Variants in ANO1 observed in about 807,000 individuals in gnomAD.
ANO1 encodes the protein anoctamin 1.
A neutral mutation model predicts 124.0 loss-of-function variants in ANO1; 59 were observed. The observed-to-expected ratio is 0.48, with a 90% CI of 0.39 to 0.59. The LOEUF (loss-of-function observed/expected upper bound fraction) is 0.59. ANO1 is among the 20% of genes least tolerant of loss of function. The probability of loss-of-function intolerance (pLI) is 0.00; values close to 1 mark genes in which losing one functional copy is unlikely to be tolerated. For missense variants in ANO1, 1,059 were observed against 1,328.0 expected, an observed-to-expected ratio of 0.80 and a Z score of 3.15; for synonymous variants, 529 against 532.0, an observed-to-expected ratio of 0.99 and a Z score of 0.08.
At chr11:70,073,686 G>C (rs766775252), upstream of ANO1, among the ~76,000 whole-genome samples, 11 of 152,144 alleles carry the variant, frequency 7.2e-5, no homozygotes, top group Non-Finnish European at 1.2e-4. Context: ...AGGTGGCCTA[G>C]CCAGGCTCTC....
intron 11 of ANO1, among the ~76,000 whole-genome samples, chr11:70,135,475 G>A (rs943112755): frequency 1.9e-4 from 29 of 152,280 alleles, no homozygotes; most frequent in South Asian, 2.1e-4. Context: ...CAGCCACCAC[G>A]TCCTTCCACC....
At chr11:70,142,281 T>C (rs1200254461) in intron 11 of ANO1, among the ~76,000 whole-genome samples, 1 of 152,164 alleles carries the variant, frequency 6.6e-6, no homozygotes, top group African/African-American at 2.4e-5. Flanking sequence ...ATGCCAGAGA[T>C]GGAACTGGAA....
At chr11:69,990,153 G>A (rs371873178) in intron 1 of ANO1, among the ~76,000 whole-genome samples, 4 of 151,518 alleles carry the variant, frequency 2.6e-5, no homozygotes, top group Non-Finnish European at 5.9e-5. Context: ...TCCCCACCCC[G>A]CCCTGCCTCT....
chr11:70,108,328 A>AC, intron 5 of ANO1, 25 bp from the exon 6 acceptor site: 2 of 1,600,190 alleles, frequency 1.2e-6, no homozygotes, highest in Non-Finnish European at 1.7e-6. Flanking sequence ...GTAACTGCTC[A>AC]CCCCCCTTCT....
At chr11:70,147,022 A>C (rs1280925993) in intron 11 of ANO1, among the ~76,000 whole-genome samples, 3 of 152,204 alleles carry the variant, frequency 2.0e-5, no homozygotes, top group Non-Finnish European at 4.4e-5. Context: ...CCCAGAAACA[A>C]CACTTTGCAT....
At chr11:70,027,624 G>A (rs1305932530) in intron 1 of ANO1, among the ~76,000 whole-genome samples, 2 of 152,232 alleles carry the variant, frequency 1.3e-5, no homozygotes, top group Non-Finnish European at 2.9e-5. Context: ...GCACACAGTA[G>A]GTCCGCAGTC....
intron 1 of ANO1, among the ~76,000 whole-genome samples, chr11:70,008,516 T>G (rs112521445): frequency 2.0e-5 from 3 of 152,202 alleles, no homozygotes; most frequent in Admixed American, 6.5e-5. Context: ...TCCCATTGAG[T>G]GGTCTTGGCA....
chr11:70,185,472 C>T lies in ANO1; in HGVS notation c.2589-118C>T, dbSNP rs980766181. 7.7e-5 allele frequency: 66 copies of T among 858,710 alleles called. No homozygotes were observed. In the East Asian group the frequency reaches 9.8e-4, roughly 13 times the overall value. The allele number at this position is 858,710 out of a possible 1,614,324, so 53.2% of individuals were successfully genotyped here. On this transcript the variant is annotated intron_variant, in intron 24 of 25. Coordinates refer to ENST00000355303, the MANE Select transcript of ANO1 (RefSeq NM_018043.7). The stretch of plus-strand genomic sequence containing the variant: ...CTCGCCCAAGAGAGGGCTGCCCTCC[C>T]GGAGGCAGCCGCACACCAAGCTGAG...
At chr11:70,117,096 CTTTCTTTTTTTTT>C (rs1320910510) in intron 8 of ANO1, among the ~76,000 whole-genome samples, 10 of 75,966 alleles carry the variant, frequency 1.3e-4, no homozygotes, top group African/African-American at 4.3e-4. Flanking sequence ...TTCTTTGTTT[CTTTCTTTTTTTTT>C]TTTTTTTTTT....
chr11:70,183,390 C>T (rs1014496619), intron 24 of ANO1, among the ~76,000 whole-genome samples: 1 of 152,220 alleles, frequency 6.6e-6, no homozygotes, highest in East Asian at 1.9e-4. Context: ...AATCCAGGGA[C>T]TGAGTCTTAC....
intron 21 of ANO1, 143 bp from the exon 22 acceptor site, chr11:70,170,741 GCAT>G (rs2048429915): frequency 2.1e-6 from 2 of 945,770 alleles, no homozygotes; most frequent in African/African-American, 3.3e-5. Context: ...CTCATCTAAT[GCAT>G]CTGCAGGTGG....
rs1310587590 is a variant in ANO1, at chr11:70,157,022, G to GT, written c.1578+2dup. 2 of 1,612,554 alleles carry GT rather than the reference G, an allele frequency of 1.2e-6. No individual in the cohort carries two copies. Among genetic ancestry groups the GT allele is most frequent in the Non-Finnish European group, 1.7e-6 (2 of 1,179,338 alleles). ...TAACTTGGTCTCCATCATCTTCATG[G>GT]TAAGTTCCAGAAGGTTAAGGCCAGA... On this transcript the variant is annotated splice_donor_variant, in intron 16 of 25. Transcript: ENST00000355303. LOFTEE classifies it high-confidence loss of function.
intron 11 of ANO1, among the ~76,000 whole-genome samples, chr11:70,147,595 T>C (rs1286212195): frequency 6.6e-6 from 1 of 152,144 alleles, no homozygotes; most frequent in Non-Finnish European, 1.5e-5. Context: ...TCCCAGTAGG[T>C]TCAGCCAGTG....
chr11:70,142,392 G>A (rs923831464), intron 11 of ANO1, among the ~76,000 whole-genome samples: 16 of 152,260 alleles, frequency 1.1e-4, no homozygotes, highest in South Asian at 4.1e-4. Flanking sequence ...CACTGTGATC[G>A]TCTGCGGGAA....
chr11:70,135,804 G>A (rs773075313), intron 11 of ANO1, among the ~76,000 whole-genome samples: 1 of 152,238 alleles, frequency 6.6e-6, no homozygotes. Flanking sequence ...ATCCCATTTC[G>A]AGCTTAACAC....
intron 1 of ANO1, among the ~76,000 whole-genome samples, chr11:70,017,575 G>A (rs891473932): frequency 2.0e-5 from 3 of 148,558 alleles, no homozygotes; most frequent in Non-Finnish European, 4.5e-5. Context: ...GAGTACAGTG[G>A]CATGGTCATG....
chr11:70,081,854 A>C (rs545281215), intron 1 of ANO1, among the ~76,000 whole-genome samples: 1 of 152,356 alleles, frequency 6.6e-6, no homozygotes, highest in Non-Finnish European at 1.5e-5. Context: ...CCTGCTGTGA[A>C]GGGAACCTTT....
chr11:70,050,993 C>T (rs782612156), intron 1 of ANO1, among the ~76,000 whole-genome samples: 29 of 152,212 alleles, frequency 1.9e-4, no homozygotes, highest in Admixed American at 1.2e-3. Flanking sequence ...CTACCATTGC[C>T]ATATGCACTT....
At position 70,107,283 on chromosome 11, in the gene ANO1, G is replaced by A. The variant is rs568962644; in HGVS notation, c.748-1070G>A. 2.0e-5 allele frequency among the ~76,000 whole-genome samples: 3 copies of A among 152,246 alleles called. No homozygotes were observed. The East Asian group carries it at 5.8e-4, about 29-fold the overall frequency. On this transcript the variant is annotated intron_variant, in intron 5 of 25. Transcript: ENST00000355303. ...TCCGGCAGGTGGGGAGAGGCAAGCTGAGCTAGAAGACAGAGCCACCGGGAG... is the reference window on the plus strand; with the variant it reads ...TCCGGCAGGTGGGGAGAGGCAAGCTAAGCTAGAAGACAGAGCCACCGGGAG...
Sources: gnomAD v4.1 joint callset for allele counts (sites outside exome capture counted in the v4.1 genomes callset) on GRCh38, gnomAD v4.1.1 for gene constraint, MANE v1.5 for transcripts, NCBI Gene and HGNC (gene_info 2026-07-23, HGNC 2026-07-21) for gene names.